The following PALD1 variants were observed in gnomAD, a reference collection of about 807,000 sequenced individuals.
The protein encoded by PALD1 is phosphatase domain containing paladin 1.
A neutral mutation model predicts 96.0 loss-of-function variants in PALD1; 57 were observed. That is an observed-to-expected ratio of 0.59 (90% CI 0.48 to 0.74). The LOEUF is 0.74. PALD1 is among the 30% of genes least tolerant of loss of function. The pLI, the probability that PALD1 is intolerant of heterozygous loss-of-function variation, is 0.00. For synonymous variants in PALD1, 464 were observed against 473.6 expected, an observed-to-expected ratio of 0.98 and a Z score of 0.26; for missense variants, 1,063 against 1,143.7, an observed-to-expected ratio of 0.93 and a Z score of 1.02.
intron 4 of PALD1, 71 bp from the exon 5 acceptor site, chr10:70,531,218 AG>A: frequency 7.7e-7 from 1 of 1,297,582 alleles, no homozygotes; most frequent in Non-Finnish European, 1.1e-6. Context: ...AGAGGCCCTG[AG>A]GTGGGGCAGT....
intron 1 of PALD1, among the ~76,000 whole-genome samples, chr10:70,493,069 C>T (rs10762385): frequency 0.19 from 29,489 of 151,518 alleles, 3,034 homozygotes; most frequent in East Asian, 0.33. Flanking sequence ...AATGGGCTCA[C>T]TGGCTGCCTG....
Position 70,566,799 on chromosome 10 carries a change from T to C in PALD1, c.*66T>C. ...CAGGCCTGGGGTGTCTGAGGTGCTC[T>C]TGGCTGGGAGCGGCCCTGAGGGGTG... On this transcript the variant is annotated 3_prime_UTR_variant, in exon 20 of 20. Transcript: ENST00000263563. 2 of 1,168,174 alleles carry C rather than the reference T, an allele frequency of 1.7e-6. No homozygotes were observed. Among genetic ancestry groups the C allele is most frequent in the Admixed American group, 2.5e-5 (1 of 39,546 alleles). The allele number at this position is 1,168,174 out of a possible 1,614,324, so 72.4% of individuals were successfully genotyped here.
At chr10:70,511,472 A>G (rs1030773991) in intron 1 of PALD1, among the ~76,000 whole-genome samples, 6 of 152,156 alleles carry the variant, frequency 3.9e-5, no homozygotes, top group Non-Finnish European at 8.8e-5. Context: ...GGATTCCAGA[A>G]CTTGGCATCT....
intron 1 of PALD1, among the ~76,000 whole-genome samples, chr10:70,501,501 A>G (rs1846293155): frequency 6.6e-6 from 1 of 152,008 alleles, no homozygotes. Context: ...TTCTTACCCC[A>G]CTGGCCAGTT....
chr10:70,490,105 T>C (rs1846075595), intron 1 of PALD1, among the ~76,000 whole-genome samples: 1 of 152,222 alleles, frequency 6.6e-6, no homozygotes, highest in Non-Finnish European at 1.5e-5. Flanking sequence ...GTATTTTTAG[T>C]AGAGATGAGG....
chr10:70,531,454 G>A lies in PALD1; in HGVS notation c.633G>A (p.Glu211=). The change falls in exon 5 of 20, where the codon GAG becomes GAA. Residue 211 remains glutamate (E), a splice_region_variant and synonymous_variant. Coordinates refer to ENST00000263563, the MANE Select transcript of PALD1 (RefSeq NM_014431.3). ...GCCTGGAGCTGGCCATCCGGAAAGA[G>A]GTGAGGACCAGTGCGGTGTGCGGGA... ...VESLELAIRK[E]IHDFAQLSEN... is the part of the protein sequence containing the mutation. 2 of 1,612,938 alleles carry A rather than the reference G, an allele frequency of 1.2e-6. No individual in the cohort carries two copies. Among genetic ancestry groups the A allele is most frequent in the African/African-American group, 1.3e-5 (1 of 75,020 alleles).
chr10:70,509,919 G>A (rs1016780444), intron 1 of PALD1, among the ~76,000 whole-genome samples: 18 of 152,236 alleles, frequency 1.2e-4, no homozygotes, highest in Non-Finnish European at 2.2e-4. Flanking sequence ...TTCAGCCGCT[G>A]AAATGTCTGA....
chr10:70,460,158 T>C, the PALD1 span, among the ~76,000 whole-genome samples: 1 of 152,154 alleles, frequency 6.6e-6, no homozygotes, highest in East Asian at 1.9e-4. Flanking sequence ...TGCTCAGTCC[T>C]CTTTGTCTTC....
intron 18 of PALD1, among the ~76,000 whole-genome samples, chr10:70,558,612 G>T (rs1160266003): frequency 6.6e-6 from 1 of 151,968 alleles, no homozygotes; most frequent in Non-Finnish European, 1.5e-5. Flanking sequence ...TGGGAGAAGC[G>T]GAGCCTCTAA....
chr10:70,506,493 T>A (rs765287130), intron 1 of PALD1, among the ~76,000 whole-genome samples: 1 of 152,198 alleles, frequency 6.6e-6, no homozygotes, highest in Non-Finnish European at 1.5e-5. Flanking sequence ...CTGAGCACAG[T>A]GCCTGGCACG....
At chr10:70,520,258 G>C (rs1440823266) in intron 1 of PALD1, among the ~76,000 whole-genome samples, 1 of 152,124 alleles carries the variant, frequency 6.6e-6, no homozygotes, top group Non-Finnish European at 1.5e-5. Flanking sequence ...AGCTCACTGG[G>C]CTTGACATGC....
chr10:70,504,343 A>AT (rs1344177648), intron 1 of PALD1, among the ~76,000 whole-genome samples: 1 of 152,222 alleles, frequency 6.6e-6, no homozygotes, highest in Non-Finnish European at 1.5e-5. Context: ...CCTGGCCAAC[A>AT]TAGTGAAACC....
In PALD1 at chr10:70,526,180, TGG is replaced by T; in HGVS notation, c.185+46_185+47del. ...GTGCCCATGTCCCTGGGAGACATGA[TGG>T]GCGGGGGGACCTGCTTGGGGGTGCA... On this transcript the variant is annotated intron_variant, in intron 2 of 19. Transcript: ENST00000263563. The T allele has an allele frequency of 5.2e-6, 8 of 1,547,238 alleles. No individual in the cohort carries two copies. In the South Asian group the frequency reaches 9.1e-5, roughly 18 times the overall value.
At chr10:70,531,088 A>C (rs1026584394) in intron 4 of PALD1, among the ~76,000 whole-genome samples, 8 of 152,200 alleles carry the variant, frequency 5.3e-5, no homozygotes, top group African/African-American at 1.9e-4. Flanking sequence ...GACAGGAGGC[A>C]GGGGTCACTG....
At chr10:70,524,904 A>G (rs1779106682) in intron 1 of PALD1, among the ~76,000 whole-genome samples, 1 of 152,226 alleles carries the variant, frequency 6.6e-6, no homozygotes, top group Admixed American at 6.5e-5. Flanking sequence ...CTTAGGAGGG[A>G]GCCTTGCAGG....
intron 10 of PALD1, 61 bp downstream of exon 10, chr10:70,534,904 A>G (rs1220149778): frequency 2.7e-6 from 3 of 1,114,634 alleles, no homozygotes; most frequent in South Asian, 1.3e-5. Context: ...GCCTGATTTC[A>G]TTAGGCATGT....
intron 1 of PALD1, among the ~76,000 whole-genome samples, chr10:70,516,682 T>TTGC (rs1364467708): frequency 1.3e-5 from 2 of 151,782 alleles, no homozygotes; most frequent in African/African-American, 2.4e-5. Context: ...GTCTTCTAAG[T>TTGC]TGCTGCTACT....
chr10:70,513,706 T>C (rs547419804), intron 1 of PALD1, among the ~76,000 whole-genome samples: 4 of 152,196 alleles, frequency 2.6e-5, no homozygotes, highest in Non-Finnish European at 4.4e-5. Flanking sequence ...GTTAACTTAT[T>C]TATCCAGCAT....
upstream of PALD1, among the ~76,000 whole-genome samples, chr10:70,476,368 C>T (rs1373357087): frequency 6.6e-6 from 1 of 152,222 alleles, no homozygotes; most frequent in African/African-American, 2.4e-5. Context: ...ACATTCAGTC[C>T]TTGTTCCCCT....
Sources: gnomAD v4.1 joint callset for allele counts (sites outside exome capture counted in the v4.1 genomes callset) on GRCh38, gnomAD v4.1.1 for gene constraint, MANE v1.5 for transcripts, NCBI Gene and HGNC (gene_info 2026-07-23, HGNC 2026-07-21) for gene names.